Variants in C17orf75 observed in about 807,000 individuals in gnomAD.
C17orf75 encodes protein Njmu-R1.
Under a neutral mutation model 49.6 loss-of-function variants are expected in C17orf75, and 32 were observed. The observed-to-expected ratio is 0.65, with a 90% confidence interval of 0.49 to 0.87. The LOEUF (loss-of-function observed/expected upper bound fraction) is 0.87. Among genes scored for constraint, C17orf75 ranks in the 40% least tolerant of loss-of-function variants. The pLI is 0.00. For synonymous variants in C17orf75, 158 were observed against 159.5 expected (o/e 0.99, Z 0.07); for missense variants, 428 against 473.9 (o/e 0.90, Z 0.90).
rs377619237 is a variant in C17orf75, at chr17:32,341,254, G to A, written c.171C>T (p.Asp57=). 2.2e-5 allele frequency: 35 copies of A among 1,613,910 alleles called. No individual in the cohort carries two copies. The highest frequency in any genetic ancestry group is 3.3e-4 in the Middle Eastern group (2 of 6,062). ...RLAQQRGDSE[D]GSPSGTNAET... is the part of the protein sequence containing the mutation. Reference sequence around the variant, plus strand: ...CTGCATTTGTGCCACTTGGGCTTCCGTCCTCACTGTCCCCTCGTTGCTGTG... The same window carrying A: ...CTGCATTTGTGCCACTTGGGCTTCCATCCTCACTGTCCCCTCGTTGCTGTG... The change falls in exon 2 of 10, where the codon GAC becomes GAT. Residue 57 remains aspartate (D), a synonymous_variant. Transcript: ENST00000577809.
At chr17:32,334,363 TA>T in intron 8 of C17orf75, 105 bp downstream of exon 8, 1 of 1,367,556 alleles carries the variant, frequency 7.3e-7, no homozygotes, top group Non-Finnish European at 9.6e-7. Flanking sequence ...GATAACCATG[TA>T]AAACTGCACA....
chr17:32,343,123 G>A (rs767689167), upstream of C17orf75, among the ~76,000 whole-genome samples: 1 of 152,170 alleles, frequency 6.6e-6, no homozygotes, highest in African/African-American at 2.4e-5. Flanking sequence ...ACCAAGGAAT[G>A]TCAAGGATTG....
chr17:32,349,055 A>G (rs1405917510), intron 1 of C17orf75, among the ~76,000 whole-genome samples: 1 of 151,434 alleles, frequency 6.6e-6, no homozygotes, highest in Non-Finnish European at 1.5e-5. Flanking sequence ...TAGTAGAGAC[A>G]GGGTTTCACC....
Position 32,328,722 on chromosome 17 carries a change from C to G in C17orf75, c.*3041G>C, listed in dbSNP as rs187209957. 6.6e-6 allele frequency: 1 copy of G among 152,312 alleles called. No homozygotes were observed. The highest frequency in any genetic ancestry group is 2.4e-5 in the African/African-American group (1 of 41,564). 9.4% of individuals were successfully genotyped at this position (152,312 alleles called of 1,614,324 possible). On this transcript the variant is annotated 3_prime_UTR_variant, in exon 10 of 10. Transcript: ENST00000577809. ...TGGCTAACACGGTGAAACCCCGTCT[C>G]TACTAAAAATACAAAAAATTAGCCA...
chr17:32,337,228 A>G (rs2041334017), intron 5 of C17orf75, among the ~76,000 whole-genome samples: 1 of 152,130 alleles, frequency 6.6e-6, no homozygotes, highest in Non-Finnish European at 1.5e-5. Context: ...TGGGTGGCTG[A>G]GGAGGGAGGA....
At chr17:32,346,892 A>G (rs766181972), upstream of C17orf75, among the ~76,000 whole-genome samples, 1 of 152,170 alleles carries the variant, frequency 6.6e-6, no homozygotes, top group Non-Finnish European at 1.5e-5. Flanking sequence ...TAATCTGTTT[A>G]TGGTGCTGTA....
At chr17:32,335,199 G>T in intron 6 of C17orf75, 124 bp downstream of exon 6, 1 of 1,212,244 alleles carries the variant, frequency 8.2e-7, no homozygotes, top group Non-Finnish European at 1.1e-6. Context: ...GGTCTATCTT[G>T]ATAGCAAGCA....
chr17:32,344,267 G>T, upstream of C17orf75: 1 of 310,706 alleles, frequency 3.2e-6, no homozygotes, highest in South Asian at 3.8e-5. Flanking sequence ...CCGAAGTGCT[G>T]ACATTACAGG....
In C17orf75 at chr17:32,328,549, A is replaced by G. The variant is rs1280403540; in HGVS notation, c.*3214T>C. 1 of 152,262 alleles carries G rather than the reference A, an allele frequency of 6.6e-6. No individual in the cohort carries two copies. The highest frequency in any genetic ancestry group is 1.5e-5 in the Non-Finnish European group (1 of 68,048). The allele number at this position is 152,262 out of a possible 1,614,324, so 9.4% of individuals were successfully genotyped here. ...CATTTCCTCTGTGTGTACAGCACAC[A>G]AGTAATATACACAAATATATTCCAT... On this transcript the variant is annotated 3_prime_UTR_variant, in exon 10 of 10. Coordinates refer to ENST00000577809, the MANE Select transcript of C17orf75 (RefSeq NM_022344.4).
At chr17:32,345,021 T>C (rs897529948), upstream of C17orf75, among the ~76,000 whole-genome samples, 2 of 152,204 alleles carry the variant, frequency 1.3e-5, no homozygotes, top group African/African-American at 2.4e-5. Flanking sequence ...GTTAATCCCA[T>C]TTTTTCTAGA....
intron 7 of C17orf75, 44 bp from the exon 8 acceptor site, chr17:32,334,649 C>T (rs746689187): frequency 1.6e-5 from 25 of 1,601,710 alleles, no homozygotes; most frequent in Admixed American, 5.1e-5. Context: ...TATTGCAGGA[C>T]GGAAGGATGA....
At chr17:32,332,431 C>T (rs980478600) in intron 9 of C17orf75, among the ~76,000 whole-genome samples, 2 of 152,190 alleles carry the variant, frequency 1.3e-5, no homozygotes, top group African/African-American at 4.8e-5. Context: ...CGTGAGCCAC[C>T]ACGCGCAGCC....
intron 3 of C17orf75, among the ~76,000 whole-genome samples, chr17:32,339,022 C>T (rs538914087): frequency 1.3e-5 from 2 of 151,910 alleles, no homozygotes; most frequent in East Asian, 1.9e-4. Context: ...ACCAGGGAGG[C>T]GGAGGTTGCA....
chr17:32,340,837 G>A (rs2041372760), intron 2 of C17orf75: 1 of 207,918 alleles, frequency 4.8e-6, no homozygotes, highest in African/African-American at 2.3e-5. Context: ...CCAGCTACTG[G>A]GGAGGCTGAG....
chr17:32,341,903 G>A (rs1452522406), intron 1 of C17orf75, 97 bp downstream of exon 1: 27 of 1,112,100 alleles, frequency 2.4e-5, no homozygotes, highest in Admixed American at 5.1e-5. Context: ...GGAGCGGCCG[G>A]GCCGCTGGGC....
upstream of C17orf75, among the ~76,000 whole-genome samples, chr17:32,345,932 A>C (rs1320101885): frequency 2.0e-5 from 3 of 152,186 alleles, no homozygotes; most frequent in African/African-American, 7.2e-5. Flanking sequence ...AGTATGCTTG[A>C]TATGGGACAT....
rs1258841498 is a variant in C17orf75, at chr17:32,331,976, G to A, written c.978C>T (p.Ala326=). ...RQVLENFKLK[A]IQDTNNLKRF... Reference sequence around the variant, plus strand: ...TCTTCAAATTGTTTGTGTCTTGTATGGCCTAGAAAATGATTACCCAGTTAA... The same window carrying A: ...TCTTCAAATTGTTTGTGTCTTGTATAGCCTAGAAAATGATTACCCAGTTAA... Residue 326 remains alanine (A), a splice_region_variant and synonymous_variant, in exon 10 of 10, where the codon GCC becomes GCT. Coordinates refer to ENST00000577809, the MANE Select transcript of C17orf75 (RefSeq NM_022344.4). 4.4e-6 allele frequency: 7 copies of A among 1,606,610 alleles called. No individual in the cohort carries two copies. Among genetic ancestry groups the A allele is most frequent in the Non-Finnish European group, 6.0e-6 (7 of 1,175,904 alleles).
At chr17:32,337,989 T>C (rs537137901) in intron 4 of C17orf75, 35 bp from the exon 5 acceptor site, 81 of 1,559,896 alleles carry the variant, frequency 5.2e-5, no homozygotes, top group Non-Finnish European at 6.5e-5. Flanking sequence ...GGATGAATAA[T>C]GAAGACAGTA....
rs965745194 is a variant in C17orf75 at position 32,333,465 on chromosome 17, T to G, written c.927A>C (p.Gly309=). 4.3e-6 allele frequency: 7 copies of G among 1,613,560 alleles called. No individual in the cohort carries two copies. Among genetic ancestry groups the G allele is most frequent in the African/African-American group, 2.7e-5 (2 of 74,908 alleles). The change falls in exon 9 of 10, where the codon GGA becomes GGC. Residue 309 remains glycine (G), a synonymous_variant. Coordinates refer to ENST00000577809, the MANE Select transcript of C17orf75 (RefSeq NM_022344.4). ...CTTGTCGGAAAAGAAAAGGGTTACC[T>G]CCTTTGGCACCATTTAAAAAAGCTT... is the stretch of plus-strand genomic sequence containing the variant. The part of the protein sequence containing the change: ...WMQAFLNGAK[G]GNPFLFRQVL...
Sources: gnomAD v4.1 joint callset for allele counts (sites outside exome capture counted in the v4.1 genomes callset) on GRCh38, gnomAD v4.1.1 for gene constraint, MANE v1.5 for transcripts, NCBI Gene and HGNC (gene_info 2026-07-23, HGNC 2026-07-21) for gene names.